OSBPL10: variants seen among roughly 807,000 people sequenced by gnomAD.
OSBPL10 encodes oxysterol-binding protein-related protein 10.
Under a neutral mutation model 81.7 loss-of-function variants are expected in OSBPL10, and 49 were observed. The observed-to-expected ratio is 0.60, with a 90% CI of 0.48 to 0.76. The LOEUF (loss-of-function observed/expected upper bound fraction) is 0.76, where lower values mean the gene tolerates loss of function less well. OSBPL10 is among the 30% of genes least tolerant of loss of function. OSBPL10 has a pLI of 0.00. For synonymous variants in OSBPL10, 419 were observed against 383.6 expected (o/e 1.09, Z -1.08); for missense variants, 923 against 987.8 (o/e 0.93, Z 0.88).
intron 4 of OSBPL10, among the ~76,000 whole-genome samples, chr3:31,765,141 C>T (rs1698156834): frequency 6.6e-6 from 1 of 152,138 alleles, no homozygotes; most frequent in African/African-American, 2.4e-5. Flanking sequence ...CCTCAGTCTA[C>T]CAAGTAGCTG....
In OSBPL10 at chr3:31,893,954, T is replaced by C. The variant is rs540458710; in HGVS notation, c.282-14124A>G. On this transcript the variant is annotated intron_variant, in intron 1 of 11. Coordinates refer to ENST00000396556, the MANE Select transcript of OSBPL10 (RefSeq NM_017784.5). ...AATTGTGGTGATAGTTACAAAACTA[T>C]ATAAATTTACTAAAAGTAACTCAAT... 9.2e-5 allele frequency among the ~76,000 whole-genome samples: 14 copies of C among 152,362 alleles called. No individual in the cohort carries two copies. In the East Asian group the frequency reaches 2.7e-3, roughly 29 times the overall value.
At chr3:31,923,419 G>GT (rs1559519612) in intron 1 of OSBPL10, among the ~76,000 whole-genome samples, 1 of 152,122 alleles carries the variant, frequency 6.6e-6, no homozygotes, top group Non-Finnish European at 1.5e-5. Flanking sequence ...CCAGAGGATC[G>GT]TAACGAGGAA....
chr3:31,825,513 AGTCTGTGTTGCCAGGGCTG>A (rs1347904982), intron 4 of OSBPL10, among the ~76,000 whole-genome samples: 1 of 152,010 alleles, frequency 6.6e-6, no homozygotes, highest in Non-Finnish European at 1.5e-5. Context: ...GTTGAAATGG[AGTCTGTGTTGCCAGGGCTG>A]GTCTTGAACT....
chr3:32,068,520 G>A (rs1228963260), intron 1 of OSBPL10, among the ~76,000 whole-genome samples: 1 of 151,990 alleles, frequency 6.6e-6, no homozygotes, highest in Admixed American at 6.6e-5. Flanking sequence ...GTGTTCTCAA[G>A]AACCTAAAAC....
intron 6 of OSBPL10, among the ~76,000 whole-genome samples, chr3:31,730,131 A>C (rs1696925411): frequency 6.6e-6 from 1 of 152,222 alleles, no homozygotes; most frequent in African/African-American, 2.4e-5. Flanking sequence ...TCACGAGGTC[A>C]GGAGATCGAG....
Position 31,965,412 on chromosome 3 carries a change from TATTA to T in OSBPL10, c.281+15483_281+15486del, listed in dbSNP as rs1285193782. On this transcript the variant is annotated intron_variant, in intron 1 of 11. Coordinates refer to ENST00000396556, the MANE Select transcript of OSBPL10 (RefSeq NM_017784.5). The stretch of plus-strand genomic sequence containing the variant: ...TGTATAATATATAATATAAAATATA[TATTA>T]TATATAATAGATAATATATAATATA... Among the ~76,000 whole-genome samples, 2 of 116,246 alleles carry T rather than the reference TATTA, an allele frequency of 1.7e-5. 1 individual carries two copies. The highest frequency in any genetic ancestry group is 3.3e-5 in the Non-Finnish European group (2 of 60,370). 76.3% of individuals were successfully genotyped at this position (116,246 alleles called of 152,430 possible).
intron 3 of OSBPL10, among the ~76,000 whole-genome samples, chr3:31,872,863 A>G (rs910156466): frequency 3.9e-5 from 6 of 152,154 alleles, no homozygotes; most frequent in Admixed American, 2.0e-4. Context: ...GACTCGAGCA[A>G]TCTGCCTGCC....
At chr3:31,949,392 G>A (rs1227764628) in intron 1 of OSBPL10, among the ~76,000 whole-genome samples, 1 of 151,850 alleles carries the variant, frequency 6.6e-6, no homozygotes, top group Non-Finnish European at 1.5e-5. Flanking sequence ...GTTCCGGCTG[G>A]GCACGGTGGC....
intron 4 of OSBPL10, among the ~76,000 whole-genome samples, chr3:31,781,382 A>G (rs553635710): frequency 1.3e-5 from 2 of 152,314 alleles, no homozygotes; most frequent in South Asian, 4.1e-4. Context: ...AGTTGAAAGC[A>G]TTCCCCCTGA....
At chr3:31,787,737 A>G (rs1698895800) in intron 4 of OSBPL10, among the ~76,000 whole-genome samples, 2 of 152,222 alleles carry the variant, frequency 1.3e-5, no homozygotes, top group South Asian at 4.1e-4. Context: ...ATTGGTTCAC[A>G]GTCTACATGC....
chr3:32,067,039 G>T (rs931450935), intron 1 of OSBPL10, among the ~76,000 whole-genome samples: 1 of 152,106 alleles, frequency 6.6e-6, no homozygotes, highest in African/African-American at 2.4e-5. Context: ...GAAGTGACCT[G>T]ATGTTAACCA....
At chr3:31,793,966 G>A (rs770189193) in intron 4 of OSBPL10, among the ~76,000 whole-genome samples, 2 of 152,216 alleles carry the variant, frequency 1.3e-5, no homozygotes, top group African/African-American at 2.4e-5. Context: ...CTAGAGATGA[G>A]AGTAGCAGCC....
At chr3:31,968,770 A>T (rs1245077029) in intron 1 of OSBPL10, among the ~76,000 whole-genome samples, 2 of 152,228 alleles carry the variant, frequency 1.3e-5, no homozygotes, top group African/African-American at 4.8e-5. Context: ...GGAAATTCCA[A>T]ATTAACTAAA....
chr3:31,812,721 AG>A (rs141790195), intron 4 of OSBPL10, among the ~76,000 whole-genome samples: 17,160 of 36,648 alleles, frequency 0.47, 3,864 homozygotes, highest in Admixed American at 0.54. Flanking sequence ...GCAAAAAAAA[AG>A]AAAGAAAGAA....
upstream of OSBPL10, chr3:31,981,437 C>T: frequency 6.2e-6 from 3 of 481,730 alleles, no homozygotes; most frequent in Non-Finnish European, 9.8e-6. This position sits in a 1 kb window ranked among gnomAD's most constrained non-coding sequence, Gnocchi z 4.5. Context: ...CACTAGTTTC[C>T]CGGGCAAGTT....
chr3:31,763,680 C>T (rs1301814321), intron 4 of OSBPL10, among the ~76,000 whole-genome samples: 1 of 152,096 alleles, frequency 6.6e-6, no homozygotes, highest in African/African-American at 2.4e-5. Context: ...AAGTAGCAGG[C>T]AAGAACATGA....
chr3:31,990,122 A>C, intron 2 of OSBPL10: 1 of 1,611,590 alleles, frequency 6.2e-7, no homozygotes, highest in Non-Finnish European at 8.5e-7. Context: ...AAGGTTTGTG[A>C]AAAGGCTTTC....
chr3:31,870,052 C>T (rs1482771080), intron 3 of OSBPL10, among the ~76,000 whole-genome samples: 1 of 152,256 alleles, frequency 6.6e-6, no homozygotes. Context: ...CACCGCTGCA[C>T]TGTGGGAGCC....
chr3:31,944,895 G>A (rs1697652462), intron 1 of OSBPL10, among the ~76,000 whole-genome samples: 1 of 136,680 alleles, frequency 7.3e-6, no homozygotes, highest in Admixed American at 7.7e-5. Context: ...GCTTATGCCT[G>A]TAATCCCAAC....
Sources: gnomAD v4.1 joint callset for allele counts (sites outside exome capture counted in the v4.1 genomes callset) on GRCh38, gnomAD v4.1.1 for gene constraint, Gnocchi (gnomAD v3.1) non-coding constraint, MANE v1.5 for transcripts, NCBI Gene and HGNC (gene_info 2026-07-23, HGNC 2026-07-21) for gene names.